The following SLC44A5 variants were observed in gnomAD, a reference collection of about 807,000 sequenced individuals.
SLC44A5 encodes the protein solute carrier family 44 member 5.
A neutral mutation model predicts 101.8 loss-of-function variants in SLC44A5; 57 were observed. That is an observed-to-expected ratio of 0.56 (90% CI 0.45 to 0.70). The LOEUF (loss-of-function observed/expected upper bound fraction) is 0.70. Among genes scored for constraint, SLC44A5 ranks in the 30% least tolerant of loss-of-function variants. SLC44A5 has a pLI of 0.00. For synonymous variants in SLC44A5, 281 were observed against 290.9 expected, an observed-to-expected ratio of 0.97 and a Z score of 0.35; for missense variants, 737 against 853.1, an observed-to-expected ratio of 0.86 and a Z score of 1.70.
At chr1:75,715,095 G>A in the SLC44A5 span, among the ~76,000 whole-genome samples, 5 of 152,158 alleles carry the variant, frequency 3.3e-5, no homozygotes, top group African/African-American at 1.2e-4. Context: ...AACCAGGGAG[G>A]TGGAAGATCT....
At chr1:75,383,861 G>A (rs1305933044) in intron 3 of SLC44A5, among the ~76,000 whole-genome samples, 1 of 152,152 alleles carries the variant, frequency 6.6e-6, no homozygotes, top group Non-Finnish European at 1.5e-5. Flanking sequence ...AGATCTCTCA[G>A]CAGAAACCCT....
chr1:75,541,242 C>A (rs1359253504), intron 2 of SLC44A5, among the ~76,000 whole-genome samples, 193 bp downstream of exon 2: 2 of 152,150 alleles, frequency 1.3e-5, no homozygotes, highest in African/African-American at 4.8e-5. Context: ...AGACGTCATG[C>A]GTCTCAGAAT....
At chr1:75,554,926 C>A (rs1402345426) in intron 1 of SLC44A5, among the ~76,000 whole-genome samples, 2 of 151,608 alleles carry the variant, frequency 1.3e-5, no homozygotes, top group Admixed American at 6.6e-5. Flanking sequence ...ATCTAAGAAG[C>A]TAATAGAGAA....
chr1:75,499,717 T>C lies in SLC44A5; in HGVS notation c.13+41718A>G, dbSNP rs1668854873. Among the ~76,000 whole-genome samples the C allele has an allele frequency of 1.3e-5, 2 of 152,192 alleles. 1 individual carries two copies. The highest frequency in any genetic ancestry group is 4.1e-4 in the South Asian group (2 of 4,832). On this transcript the variant is annotated intron_variant, in intron 2 of 23. Transcript: ENST00000370859. ...CTCTTCTTATTTCAGGGCAGGAATA[T>C]TTTTCAATACTGTATCATTTCATGT...
intron 3 of SLC44A5, among the ~76,000 whole-genome samples, chr1:75,355,686 TTA>T (rs1362571931): frequency 2.6e-5 from 4 of 152,308 alleles, no homozygotes; most frequent in African/African-American, 9.6e-5. Context: ...ACCTAGTGAC[TTA>T]ATAGCCATTG....
intron 2 of SLC44A5, among the ~76,000 whole-genome samples, chr1:75,515,412 C>G (rs1042392388): frequency 2.0e-5 from 3 of 151,894 alleles, no homozygotes; most frequent in Non-Finnish European, 4.4e-5. Context: ...AATTTTGTAC[C>G]TTTAACCATT....
At chr1:75,383,184 C>T (rs1281872356) in intron 3 of SLC44A5, among the ~76,000 whole-genome samples, 1 of 92,232 alleles carries the variant, frequency 1.1e-5, no homozygotes, top group Non-Finnish European at 2.2e-5. Flanking sequence ...GTCTATGATG[C>T]AAAGACCTTT....
rs1669441825 is a variant in SLC44A5, at chr1:75,509,351, A to AT, written c.13+32083dup. Among the ~76,000 whole-genome samples the AT allele has an allele frequency of 2.0e-5, 3 of 152,202 alleles. No individual in the cohort carries two copies. The South Asian group carries it at 6.2e-4, about 31-fold the overall frequency. On this transcript the variant is annotated intron_variant, in intron 2 of 23. Coordinates refer to ENST00000370859, the MANE Select transcript of SLC44A5 (RefSeq NM_001130058.2). ...AAACTGTTTGATATCAAAAACATAA[A>AT]TTTTTTAGTTGGGACAAACACTCAT...
At chr1:75,673,724 A>G in the SLC44A5 span, among the ~76,000 whole-genome samples, 29 of 151,862 alleles carry the variant, frequency 1.9e-4, no homozygotes, top group Non-Finnish European at 7.4e-5. Context: ...GAACAGAGAG[A>G]CTCTGCTTGT....
chr1:75,649,981 T>C, the SLC44A5 span, among the ~76,000 whole-genome samples: 1 of 152,238 alleles, frequency 6.6e-6, no homozygotes, highest in Non-Finnish European at 1.5e-5. Context: ...GCCTGATTTA[T>C]AATAACAATC....
chr1:75,325,941 T>A (rs894638181), intron 4 of SLC44A5, among the ~76,000 whole-genome samples: 6 of 152,026 alleles, frequency 3.9e-5, no homozygotes, highest in Admixed American at 6.6e-5. Flanking sequence ...AGCCTGAAGA[T>A]AATTTTATAC....
At chr1:75,418,319 C>A (rs553538677) in intron 2 of SLC44A5, among the ~76,000 whole-genome samples, 11 of 152,174 alleles carry the variant, frequency 7.2e-5, no homozygotes, top group Non-Finnish European at 1.2e-4. Context: ...TGGAGCTTAT[C>A]ATCTACCAGG....
chr1:75,696,763 C>T, the SLC44A5 span, among the ~76,000 whole-genome samples: 112 of 151,918 alleles, frequency 7.4e-4, no homozygotes, highest in African/African-American at 2.5e-3. Flanking sequence ...ATTAGCCAGG[C>T]GTGGTTGTGG....
At chr1:75,517,797 A>C (rs1278572318) in intron 2 of SLC44A5, among the ~76,000 whole-genome samples, 1 of 152,230 alleles carries the variant, frequency 6.6e-6, no homozygotes, top group Non-Finnish European at 1.5e-5. Flanking sequence ...AAGAGTTTTC[A>C]ACAGTAACTT....
intron 2 of SLC44A5, among the ~76,000 whole-genome samples, chr1:75,535,683 G>A (rs1355713583): frequency 6.6e-6 from 1 of 152,170 alleles, no homozygotes; most frequent in East Asian, 1.9e-4. Flanking sequence ...ATTTCCTAAA[G>A]AATGGTGCAG....
At chr1:75,519,811 C>T (rs971049550) in intron 2 of SLC44A5, among the ~76,000 whole-genome samples, 1 of 152,218 alleles carries the variant, frequency 6.6e-6, no homozygotes, top group Non-Finnish European at 1.5e-5. Flanking sequence ...TAATGTCTTT[C>T]ACAAGAGGGA....
chr1:75,229,706 C>A (rs1010697718), intron 12 of SLC44A5, among the ~76,000 whole-genome samples: 5 of 152,160 alleles, frequency 3.3e-5, no homozygotes, highest in African/African-American at 4.8e-5. Context: ...ATATATATTA[C>A]TTAGGCTATG....
At chr1:75,394,869 C>A (rs1383593176) in intron 3 of SLC44A5, among the ~76,000 whole-genome samples, 2 of 152,070 alleles carry the variant, frequency 1.3e-5, no homozygotes, top group South Asian at 4.1e-4. Flanking sequence ...GAGTGCACCC[C>A]AGATCTTAGG....
chr1:75,597,433 G>T (rs1674705801), intron 1 of SLC44A5, among the ~76,000 whole-genome samples: 1 of 151,926 alleles, frequency 6.6e-6, no homozygotes, highest in Middle Eastern at 3.2e-3. Flanking sequence ...ATTCTTCACT[G>T]AAATAGAAAA....
Sources: gnomAD v4.1 joint callset for allele counts (sites outside exome capture counted in the v4.1 genomes callset) on GRCh38, gnomAD v4.1.1 for gene constraint, MANE v1.5 for transcripts, NCBI Gene and HGNC (gene_info 2026-07-23, HGNC 2026-07-21) for gene names.